The following INTS4 variants were observed in gnomAD, a reference collection of about 807,000 sequenced individuals.
INTS4 encodes integrator complex subunit 4.
In INTS4, 70 loss-of-function variants were observed where a neutral mutation model predicts 119.5. The observed-to-expected ratio is 0.59, with a 90% confidence interval of 0.48 to 0.71. INTS4 has a LOEUF of 0.71. INTS4 is among the 30% of genes least tolerant of loss of function. The probability of loss-of-function intolerance (pLI) is 0.00; values close to 1 mark genes in which losing one functional copy is unlikely to be tolerated. For synonymous variants in INTS4, 316 were observed against 419.6 expected (o/e 0.75, Z 3.02); for missense variants, 867 against 1,173.2 (o/e 0.74, Z 3.81).
At chr11:77,883,789 C>T in intron 22 of INTS4, 43 bp downstream of exon 22, 1 of 1,603,396 alleles carries the variant, frequency 6.2e-7, no homozygotes, top group Non-Finnish European at 8.5e-7. Flanking sequence ...GGTGTGATCT[C>T]CAGCAGCATA....
downstream of INTS4, chr11:77,876,900 C>T (rs1814152964): frequency 4.3e-6 from 3 of 694,110 alleles, no homozygotes; most frequent in East Asian, 8.1e-5. Context: ...TCTATAATTA[C>T]AGCACGATGG....
rs898312614 is a variant in INTS4, at chr11:77,954,683, G to A, written c.918+1259C>T. ...ACAAGGAGGATGAAACCTAGATCCC[G>A]CACATGCTCAGTTCACAATAGGGTT... is the stretch of plus-strand genomic sequence containing the variant. On this transcript the variant is annotated intron_variant, in intron 8 of 22. Transcript: ENST00000534064. Among the ~76,000 whole-genome samples the A allele has an allele frequency of 1.7e-4, 26 of 152,218 alleles. 1 individual carries two copies. Among genetic ancestry groups the A allele is most frequent in the African/African-American group, 4.6e-4 (19 of 41,524 alleles).
At chr11:77,937,705 C>G (rs1953829951) in intron 10 of INTS4, among the ~76,000 whole-genome samples, 2 of 152,062 alleles carry the variant, frequency 1.3e-5, no homozygotes, top group Non-Finnish European at 2.9e-5. Flanking sequence ...GATCACACCA[C>G]TACACTCTAG....
chr11:77,907,918 C>T, intron 15 of INTS4, 108 bp from the exon 16 acceptor site: 1 of 681,874 alleles, frequency 1.5e-6, no homozygotes, highest in South Asian at 1.9e-5. Context: ...AACAGTCATA[C>T]ATTTTTAAAT....
At chr11:77,896,213 GA>G (rs1252100277) in intron 18 of INTS4, among the ~76,000 whole-genome samples, 4 of 151,182 alleles carry the variant, frequency 2.6e-5, no homozygotes, top group African/African-American at 9.7e-5. Flanking sequence ...GACAAGAAGA[GA>G]AACTATACAG....
intron 17 of INTS4, among the ~76,000 whole-genome samples, chr11:77,902,471 T>C (rs1246646987): frequency 1.3e-5 from 2 of 152,196 alleles, no homozygotes; most frequent in African/African-American, 4.8e-5. Flanking sequence ...AGACAAGAGT[T>C]CAGCACTGTA....
At chr11:77,970,406 A>G (rs1447156499) in intron 4 of INTS4, among the ~76,000 whole-genome samples, 1 of 152,086 alleles carries the variant, frequency 6.6e-6, no homozygotes, top group East Asian at 1.9e-4. Flanking sequence ...GGGGAAAAAA[A>G]AAATTCATAT....
intron 15 of INTS4, chr11:77,918,242 G>C (rs760359504): frequency 1.6e-6 from 1 of 634,762 alleles, no homozygotes; most frequent in Non-Finnish European, 2.9e-6. Context: ...GACCAGCCTG[G>C]CCACCATGGT....
intron 19 of INTS4, among the ~76,000 whole-genome samples, chr11:77,892,374 T>C (rs942677450): frequency 2.0e-5 from 3 of 152,080 alleles, no homozygotes; most frequent in East Asian, 1.9e-4. Context: ...TGCCAGTGGA[T>C]AGTCAAAAAA....
rs191741859 is a variant in INTS4, at chr11:77,958,797, C to A, written c.746G>T (p.Arg249Leu). The A allele has an allele frequency of 6.2e-7, 1 of 1,610,434 alleles. No homozygotes were observed. Among genetic ancestry groups the A allele is most frequent in the Non-Finnish European group, 8.5e-7 (1 of 1,178,672 alleles). ...CCAGATAAGCTGGACTGCAGCACTGCGCACTTGTTCATAGTCATCAGAGAG... is the reference window on the plus strand; with the variant it reads ...CCAGATAAGCTGGACTGCAGCACTGAGCACTTGTTCATAGTCATCAGAGAG... ...KLLSDDYEQVRSAAVQLIWVV... is the reference protein window; with the variant it reads ...KLLSDDYEQVLSAAVQLIWVV... Residue 249 changes from arginine (R) to leucine (L), a missense_variant, in exon 7 of 23, where the codon CGC becomes CTC. By Grantham distance (102) the Arg-to-Leu change is moderately radical. Coordinates refer to ENST00000534064, the MANE Select transcript of INTS4 (RefSeq NM_033547.4).
intron 8 of INTS4, among the ~76,000 whole-genome samples, chr11:77,954,918 GT>G (rs1954282425): frequency 6.6e-6 from 1 of 151,902 alleles, no homozygotes; most frequent in African/African-American, 2.4e-5. Flanking sequence ...TTTTTTTATT[GT>G]TTTCCTTTTT....
At chr11:77,928,784 A>C (rs997449985) in intron 10 of INTS4, among the ~76,000 whole-genome samples, 16 of 152,156 alleles carry the variant, frequency 1.1e-4, no homozygotes, top group Non-Finnish European at 2.4e-4. Flanking sequence ...GGGAGGCAGA[A>C]ATTACAGTTA....
chr11:77,985,824 T>C (rs1591148483), intron 2 of INTS4, among the ~76,000 whole-genome samples: 1 of 152,110 alleles, frequency 6.6e-6, no homozygotes, highest in Admixed American at 6.6e-5. Flanking sequence ...AAAGAACATA[T>C]CTCACAGCTC....
intron 18 of INTS4, among the ~76,000 whole-genome samples, chr11:77,900,397 C>T (rs1482018334): frequency 1.3e-5 from 2 of 152,110 alleles, no homozygotes; most frequent in Admixed American, 6.6e-5. Context: ...CCACACCCGG[C>T]CACATATGAA....
chr11:77,993,669 G>A (rs575617778), intron 1 of INTS4, among the ~76,000 whole-genome samples: 1 of 152,160 alleles, frequency 6.6e-6, no homozygotes, highest in South Asian at 2.1e-4. Flanking sequence ...TTTTAATGCT[G>A]GATGAATGAA....
chr11:77,923,027 A>C (rs941488376), intron 12 of INTS4, among the ~76,000 whole-genome samples: 3 of 152,276 alleles, frequency 2.0e-5, no homozygotes, highest in South Asian at 4.1e-4. Context: ...TACAACTATG[A>C]GAAGAAAGCC....
At chr11:77,912,216 G>C (rs1300519822) in intron 15 of INTS4, among the ~76,000 whole-genome samples, 1 of 152,098 alleles carries the variant, frequency 6.6e-6, no homozygotes, top group African/African-American at 2.4e-5. Flanking sequence ...CAAAAAATTA[G>C]CCAGGTGTGG....
chr11:77,918,730 T>C lies in INTS4; in HGVS notation c.1922+91A>G. 3.3e-6 allele frequency: 5 copies of C among 1,530,724 alleles called. No homozygotes were observed. In the South Asian group the frequency reaches 6.4e-5, roughly 20 times the overall value. The allele number at this position is 1,530,724 out of a possible 1,614,324, so 94.8% of individuals were successfully genotyped here. ...TGAATGTAGACCAATAAAGTCAGAA[T>C]ATCAAGCCTAGTAACCAACACCAGA... is the stretch of plus-strand genomic sequence containing the variant. On this transcript the variant is annotated intron_variant, in intron 15 of 22. Transcript: ENST00000534064.
chr11:77,989,167 A>G (rs1367566309), intron 2 of INTS4, among the ~76,000 whole-genome samples: 1 of 152,190 alleles, frequency 6.6e-6, no homozygotes, highest in Non-Finnish European at 1.5e-5. Context: ...AAATAATTAG[A>G]AAAAAATGAC....
Sources: allele counts gnomAD v4.1 joint callset (sites outside exome capture counted in the v4.1 genomes callset), GRCh38; gene constraint gnomAD v4.1.1; transcripts MANE v1.5; gene names NCBI Gene and HGNC (gene_info 2026-07-23, HGNC 2026-07-21).